The following PRKG1 variants were observed in gnomAD, a reference collection of about 807,000 sequenced individuals.
PRKG1 encodes the protein protein kinase cGMP-dependent 1, also known as cGMP-dependent protein kinase 1.
A neutral mutation model predicts 88.1 loss-of-function variants in PRKG1; 35 were observed. The observed-to-expected ratio is 0.40, with a 90% CI of 0.30 to 0.53. PRKG1 has a LOEUF of 0.53. Ranked by LOEUF, PRKG1 falls within the 20% of genes least tolerant of loss-of-function variation. The probability of loss-of-function intolerance (pLI) is 0.59; values close to 1 mark genes in which losing one functional copy is unlikely to be tolerated. For missense variants in PRKG1, 540 were observed against 839.8 expected (o/e 0.64, Z 4.41); for synonymous variants, 303 against 292.5 (o/e 1.04, Z -0.37).
intron 5 of PRKG1, among the ~76,000 whole-genome samples, chr10:51,943,485 A>G (rs558559595): frequency 6.6e-6 from 1 of 152,010 alleles, no homozygotes; most frequent in Admixed American, 6.5e-5. Context: ...AACTTCCAAC[A>G]CTATGTTGAA....
rs12258867 is a variant in PRKG1 at position 51,990,370 on chromosome 10, G to A, written c.763-64114G>A. ...TGTTTTTTCCATTTCTGTGAAGAAT[G>A]CCATTGATATTGTGATAAGGATTGT... On this transcript the variant is annotated intron_variant, in intron 5 of 17. Transcript: ENST00000373980. Among the ~76,000 whole-genome samples, 1,296 of 152,152 alleles carry A rather than the reference G, an allele frequency of 8.5e-3. 14 individuals are homozygous for A. Among genetic ancestry groups the A allele is most frequent in the African/African-American group, 0.028 (1,167 of 41,532 alleles).
chr10:51,751,437 A>C (rs1270743843), intron 3 of PRKG1, among the ~76,000 whole-genome samples: 1 of 152,150 alleles, frequency 6.6e-6, no homozygotes, highest in African/African-American at 2.4e-5. Context: ...CATGTTGGCC[A>C]GGCAGGTCTT....
chr10:51,293,685 G>A (rs908460506), intron 2 of PRKG1, among the ~76,000 whole-genome samples: 1 of 152,106 alleles, frequency 6.6e-6, no homozygotes, highest in Non-Finnish European at 1.5e-5. Flanking sequence ...CCATGAATAT[G>A]AGAGTGCAGA....
intron 3 of PRKG1, among the ~76,000 whole-genome samples, chr10:51,706,583 T>C (rs1366404614): frequency 1.3e-5 from 2 of 152,110 alleles, no homozygotes; most frequent in African/African-American, 4.8e-5. Context: ...TAGACCAGGC[T>C]CAAATGTCCA....
chr10:51,358,944 G>GT (rs968212409), intron 2 of PRKG1, among the ~76,000 whole-genome samples: 10 of 147,646 alleles, frequency 6.8e-5, no homozygotes, highest in Non-Finnish European at 1.3e-4. Context: ...TGGGGGGGGG[G>GT]GTGTGGATTT....
At chr10:52,022,109 C>A (rs1017241768) in intron 5 of PRKG1, among the ~76,000 whole-genome samples, 8 of 152,150 alleles carry the variant, frequency 5.3e-5, no homozygotes, top group African/African-American at 1.9e-4. Flanking sequence ...AGTGCAGCTC[C>A]AAGTCAGCCA....
intron 2 of PRKG1, among the ~76,000 whole-genome samples, chr10:51,232,082 G>T (rs1314815859): frequency 6.6e-6 from 1 of 152,082 alleles, no homozygotes; most frequent in Non-Finnish European, 1.5e-5. Context: ...CAAACTAAAG[G>T]TACTAAAAAG....
At chr10:51,449,807 C>CT (rs1554810361) in intron 2 of PRKG1, among the ~76,000 whole-genome samples, 669 of 34,384 alleles carry the variant, frequency 0.019, 3 homozygotes, top group African/African-American at 0.16. Context: ...ATAATCTTTA[C>CT]CTGTCTGGAA....
chr10:52,249,353 T>C (rs1470659656), intron 9 of PRKG1, among the ~76,000 whole-genome samples: 3 of 151,750 alleles, frequency 2.0e-5, no homozygotes, highest in South Asian at 2.1e-4. Context: ...TATAGAACTA[T>C]AGGTTTTAAC....
chr10:51,545,195 A>C (rs1393693942), intron 3 of PRKG1, among the ~76,000 whole-genome samples: 1 of 152,084 alleles, frequency 6.6e-6, no homozygotes, highest in Non-Finnish European at 1.5e-5. Context: ...TCTACTCGAA[A>C]AATAAATGTC....
At chr10:51,098,857 G>C (rs993249324) in intron 1 of PRKG1, among the ~76,000 whole-genome samples, 1 of 152,044 alleles carries the variant, frequency 6.6e-6, no homozygotes, top group Admixed American at 6.6e-5. Context: ...CTTCTTTAGC[G>C]AACTTTCCCT....
chr10:51,520,550 G>A (rs1476672699), intron 3 of PRKG1, among the ~76,000 whole-genome samples: 1 of 151,918 alleles, frequency 6.6e-6, no homozygotes, highest in Non-Finnish European at 1.5e-5. Context: ...ACACAAAAAT[G>A]CATAATAAAC....
intron 3 of PRKG1, among the ~76,000 whole-genome samples, chr10:51,778,128 A>G (rs986294787): frequency 6.6e-6 from 1 of 152,100 alleles, no homozygotes; most frequent in African/African-American, 2.4e-5. Context: ...ATAACTTGAC[A>G]TTTCCAGTTC....
intron 5 of PRKG1, among the ~76,000 whole-genome samples, chr10:51,964,458 G>A (rs1267295294): frequency 2.6e-5 from 4 of 152,170 alleles, no homozygotes; most frequent in South Asian, 2.1e-4. Context: ...GTTCAGCGTT[G>A]ATGGTAAAGT....
chr10:51,247,537 TAAC>T (rs1203040874), intron 2 of PRKG1, among the ~76,000 whole-genome samples: 1 of 151,960 alleles, frequency 6.6e-6, no homozygotes, highest in African/African-American at 2.4e-5. Flanking sequence ...TTTACACCCT[TAAC>T]AATTAAATAT....
chr10:51,960,782 A>G (rs1041042454), intron 5 of PRKG1, among the ~76,000 whole-genome samples: 2 of 152,204 alleles, frequency 1.3e-5, no homozygotes, highest in African/African-American at 4.8e-5. Flanking sequence ...GAAGAACTCC[A>G]AATAGGATCT....
At position 51,096,477 on chromosome 10, in the gene PRKG1, A is replaced by G. The variant is rs145879709; in HGVS notation, c.311+21576A>G. Among the ~76,000 whole-genome samples the G allele has an allele frequency of 5.3e-3, 800 of 152,190 alleles. 5 individuals carry two copies. Among genetic ancestry groups the G allele is most frequent in the African/African-American group, 0.018 (756 of 41,520 alleles). ...CTGGAGTCAGAGAAACCTGAATTCA[A>G]ATTCGAGTTTTGACAGTACTTGTGC... On this transcript the variant is annotated intron_variant, in intron 1 of 17. Coordinates refer to ENST00000373980, the MANE Select transcript of PRKG1 (RefSeq NM_006258.4).
chr10:51,201,385 G>T lies in PRKG1; in HGVS notation c.478+48055G>T, dbSNP rs370837432. ...GAGAATCACTTGAACCTGGGTGGCG[G>T]AGGTTGCAGTGAGCCGAGATTGTGC... On this transcript the variant is annotated intron_variant, in intron 2 of 17. Coordinates refer to ENST00000373980, the MANE Select transcript of PRKG1 (RefSeq NM_006258.4). 4.6e-5 allele frequency among the ~76,000 whole-genome samples: 7 copies of T among 152,288 alleles called. No homozygotes were observed. In the East Asian group the frequency reaches 1.2e-3, roughly 25 times the overall value.
rs985288482 is a variant in PRKG1, at chr10:51,053,783, T to G, written c.266+62139T>G. 9.9e-5 allele frequency among the ~76,000 whole-genome samples: 15 copies of G among 151,806 alleles called. No individual in the cohort carries two copies. The East Asian group carries it at 2.1e-3, about 21-fold the overall frequency. On this transcript the variant is annotated intron_variant, in intron 1 of 17. Transcript: ENST00000401604. Reference sequence around the variant, plus strand: ...AGTAGTTATGGGTTTTTTTTGTTTTTTTTTTTTTTAACTTTTGAATATATT... The same window carrying G: ...AGTAGTTATGGGTTTTTTTTGTTTTGTTTTTTTTTAACTTTTGAATATATT...
Sources: gnomAD v4.1 joint callset for allele counts (sites outside exome capture counted in the v4.1 genomes callset) on GRCh38, gnomAD v4.1.1 for gene constraint, MANE v1.5 for transcripts, NCBI Gene and HGNC (gene_info 2026-07-23, HGNC 2026-07-21) for gene names.